Variants in ERN2 observed in about 807,000 individuals in gnomAD.
ERN2 encodes the protein serine/threonine-protein kinase/endoribonuclease IRE2.
ERN2 carries 111 observed loss-of-function variants against 107.9 expected under a neutral mutation model. The ratio of observed to expected loss-of-function variants is 1.03; its 90% confidence interval spans 0.88 to 1.20. The LOEUF is 1.20. Among genes scored for constraint, ERN2 ranks in the 50% most tolerant of loss-of-function variants. The probability of loss-of-function intolerance (pLI) is 0.00; values close to 1 mark genes in which losing one functional copy is unlikely to be tolerated. For missense variants in ERN2, 1,225 were observed against 1,197.9 expected (o/e 1.02, Z -0.33); for synonymous variants, 524 against 501.7 (o/e 1.04, Z -0.59).
Position 23,706,450 on chromosome 16 carries a change from A to G in ERN2, c.488-19T>C. ...GTATACTCTGGGGATCCCAGAAGCA[A>G]GATTACCAGGAACGTCCATTTGATG... On this transcript the variant is annotated intron_variant, in intron 6 of 21. Coordinates refer to ENST00000256797, the MANE Select transcript of ERN2 (RefSeq NM_033266.4). The G allele has an allele frequency of 6.5e-7, 1 of 1,536,574 alleles. No homozygotes were observed. The highest frequency in any genetic ancestry group is 8.8e-7 in the Non-Finnish European group (1 of 1,131,238).
intron 17 of ERN2, among the ~76,000 whole-genome samples, chr16:23,694,250 G>A (rs1477756064): frequency 1.3e-5 from 2 of 152,188 alleles, no homozygotes; most frequent in Admixed American, 6.5e-5. Flanking sequence ...GCCTGCCTCG[G>A]CCTCTCAAAG....
At chr16:23,692,851 G>C (rs35632) in intron 17 of ERN2, among the ~76,000 whole-genome samples, 46,464 of 151,842 alleles carry the variant, frequency 0.31, 7,281 homozygotes, top group East Asian at 0.44. Context: ...GCCTGAGTAG[G>C]TGGGACTACA....
chr16:23,705,450 T>C (rs1960265908), intron 7 of ERN2, among the ~76,000 whole-genome samples: 1 of 132,384 alleles, frequency 7.6e-6, no homozygotes, highest in Non-Finnish European at 1.6e-5. Context: ...GGCATTTGGG[T>C]CACTTGGGAG....
Position 23,706,820 on chromosome 16 carries a change from CT to C in ERN2, c.420del (p.Glu142ArgfsTer4), listed in dbSNP as rs1327706688. 1.2e-6 allele frequency: 2 copies of C among 1,614,032 alleles called. No individual in the cohort carries two copies. The highest frequency in any genetic ancestry group is 3.3e-4 in the Middle Eastern group (2 of 6,052). On this transcript the variant is annotated frameshift_variant, in exon 6 of 22. Coordinates refer to ENST00000256797, the MANE Select transcript of ERN2 (RefSeq NM_033266.4). LOFTEE classifies it high-confidence loss of function. ...QDAWFVVDPE[S>X]GETQMTLTTE... ...GTGGTCAGTGTCATCTGGGTCTCCCCTGACTCAGGGTCCACCACAAACCAGG... is the reference window on the plus strand; with the variant it reads ...GTGGTCAGTGTCATCTGGGTCTCCCCGACTCAGGGTCCACCACAAACCAGG...
rs40138 is a variant in ERN2 at position 23,703,909 on chromosome 16, A to T, written c.854+974T>A. 1.2e-3 allele frequency among the ~76,000 whole-genome samples: 190 copies of T among 152,110 alleles called. 2 individuals are homozygous for T. In the South Asian group the frequency reaches 0.037, roughly 30 times the overall value. On this transcript the variant is annotated intron_variant, in intron 8 of 21. Transcript: ENST00000256797. ...TCCCATGGCATCTTATACTACTTTC[A>T]TCTCATCCTTTATCATATCAGGTTG...
At chr16:23,702,597 C>T (rs759713118) in intron 9 of ERN2, 27 bp downstream of exon 9, 17 of 1,613,994 alleles carry the variant, frequency 1.1e-5, no homozygotes, top group Non-Finnish European at 1.4e-5. Context: ...CATCCTCTTT[C>T]CAGCCCACTC....
intron 17 of ERN2, among the ~76,000 whole-genome samples, chr16:23,692,743 T>TG (rs1299670409): frequency 7.9e-5 from 12 of 151,678 alleles, no homozygotes; most frequent in Non-Finnish European, 7.4e-5. Flanking sequence ...TGTTTTTTTT[T>TG]TTGTTGGGGC....
chr16:23,702,114 G>GC (rs778757644), intron 11 of ERN2, 38 bp downstream of exon 11: 49 of 1,590,112 alleles, frequency 3.1e-5, no homozygotes, highest in Non-Finnish European at 3.8e-5. Flanking sequence ...ATCTGCTGGG[G>GC]CCTCCCTACC....
intron 14 of ERN2, among the ~76,000 whole-genome samples, 172 bp downstream of exon 14, chr16:23,695,722 C>CAAAAAAA (rs57103138): frequency 1.2e-3 from 44 of 37,354 alleles, no homozygotes; most frequent in African/African-American, 2.7e-3. Flanking sequence ...GAGCAAGACT[C>CAAAAAAA]AAAAAAAAAA....
chr16:23,691,514 G>A, intron 19 of ERN2, 89 bp from the exon 20 acceptor site: 3 of 1,449,202 alleles, frequency 2.1e-6, no homozygotes, highest in Non-Finnish European at 2.8e-6. Context: ...AGTTTAGGGT[G>A]ACTGACAAGG....
intron 4 of ERN2, 171 bp from the exon 5 acceptor site, chr16:23,707,250 C>A: frequency 1.6e-6 from 1 of 624,862 alleles, no homozygotes; most frequent in Admixed American, 2.5e-5. Context: ...TAATGTCACA[C>A]AGCTACTAAA....
intron 11 of ERN2, 87 bp from the exon 12 acceptor site, chr16:23,701,201 T>G (rs1960052180): frequency 7.2e-7 from 1 of 1,388,884 alleles, no homozygotes; most frequent in Non-Finnish European, 9.9e-7. Context: ...AGAGCTGGGC[T>G]TAGCTGAAGG....
At position 23,695,247 on chromosome 16, in the gene ERN2, G is replaced by A; in HGVS notation, c.1753C>T (p.Gln585Ter). 9 of 1,614,124 alleles carry A rather than the reference G, an allele frequency of 5.6e-6. No homozygotes were observed. The highest frequency in any genetic ancestry group is 7.6e-6 in the Non-Finnish European group (9 of 1,180,014). Residue 585 changes from glutamine (Q) to a stop codon, truncating the protein, a stop_gained, in exon 15 of 22, where the codon CAG becomes TAG. Coordinates refer to ENST00000256797, the MANE Select transcript of ERN2 (RefSeq NM_033266.4). LOFTEE classifies it high-confidence loss of function. Reference protein sequence around the residue: ...LRYFCTERGPQFHYIALELCR... With the variant: ...LRYFCTERGP ...AGCTCCAGGGCAATGTAGTGGAACTGGGGTCCCCGCTCGGTGCAGAAGTAG... is the reference window on the plus strand; with the variant it reads ...AGCTCCAGGGCAATGTAGTGGAACTAGGGTCCCCGCTCGGTGCAGAAGTAG...
At chr16:23,691,865 C>T (rs984971057) in intron 19 of ERN2, 98 bp downstream of exon 19, 22 of 1,479,476 alleles carry the variant, frequency 1.5e-5, no homozygotes, top group Non-Finnish European at 1.9e-5. Flanking sequence ...CCAGGTAGCT[C>T]TTCCTGTTTT....
intron 17 of ERN2, among the ~76,000 whole-genome samples, chr16:23,694,208 G>T (rs1959709971): frequency 6.6e-6 from 1 of 152,262 alleles, no homozygotes; most frequent in East Asian, 1.9e-4. Flanking sequence ...GGTTACCCAG[G>T]CTGGTCTCGA....
rs751329697 is a variant in ERN2 at position 23,713,137 on chromosome 16, C to G, written c.51G>C (p.Gln17His). 6 of 1,576,350 alleles carry G rather than the reference C, an allele frequency of 3.8e-6. No individual in the cohort carries two copies. Among genetic ancestry groups the G allele is most frequent in the Admixed American group, 1.8e-5 (1 of 56,362 alleles). Residue 17 changes from glutamine to histidine, a missense_variant, in exon 1 of 22, where the codon CAG (glutamine) becomes CAC (histidine). Transcript: ENST00000256797. The part of the protein sequence containing the change: ...GSRPWPRLGL[Q>H]LQFAALLLGT... ...CGAGCAGCAGCGCCGCGAACTGGAG[C>G]TGGAGCCCCAGCCGGGGCCACGGCC...
chr16:23,701,174 T>C (rs1419078934), intron 11 of ERN2, 60 bp from the exon 12 acceptor site: 3 of 1,558,482 alleles, frequency 1.9e-6, no homozygotes, highest in East Asian at 2.2e-5. Context: ...CCCTAACTTT[T>C]CTTCATCACC....
chr16:23,708,846 A>G (rs1960428834), intron 4 of ERN2, among the ~76,000 whole-genome samples: 1 of 152,198 alleles, frequency 6.6e-6, no homozygotes, highest in African/African-American at 2.4e-5. Flanking sequence ...TTTCTTGTAC[A>G]GCCTGTAGAA....
intron 13 of ERN2, 35 bp from the exon 14 acceptor site, chr16:23,696,013 C>T: frequency 6.5e-7 from 1 of 1,548,784 alleles, no homozygotes. Flanking sequence ...CAGGGAGCCT[C>T]TGCCCACCTT....
Sources: allele counts gnomAD v4.1 joint callset (sites outside exome capture counted in the v4.1 genomes callset), GRCh38; gene constraint gnomAD v4.1.1; transcripts MANE v1.5; gene names NCBI Gene and HGNC (gene_info 2026-07-23, HGNC 2026-07-21).